Variants in GRAMD1A observed in about 807,000 individuals in gnomAD.
The protein encoded by GRAMD1A is protein Aster-A.
Under a neutral mutation model 92.0 loss-of-function variants are expected in GRAMD1A, and 50 were observed. That is an observed-to-expected ratio of 0.54 (90% confidence interval 0.43 to 0.69). GRAMD1A has a LOEUF of 0.69. Among genes scored for constraint, GRAMD1A ranks in the 30% least tolerant of loss-of-function variants. GRAMD1A has a pLI of 0.00. For synonymous variants in GRAMD1A, 405 were observed against 403.6 expected, an observed-to-expected ratio of 1.00 and a Z score of -0.04; for missense variants, 819 against 978.9, an observed-to-expected ratio of 0.84 and a Z score of 2.18.
chr19:34,996,075 G>T (rs776675671), upstream of GRAMD1A: 154 of 1,535,674 alleles, frequency 1.0e-4, no homozygotes, highest in African/African-American at 1.7e-3. Context: ...GCACAGGGCA[G>T]TCCCCAGGGC....
At chr19:35,023,712 C>A in intron 19 of GRAMD1A, 165 bp downstream of exon 19, 1 of 644,774 alleles carries the variant, frequency 1.6e-6, no homozygotes, top group Non-Finnish European at 2.5e-6. Flanking sequence ...CAGGGGAAAG[C>A]ATGGAAGCAT....
rs146846263 is a variant in GRAMD1A, at chr19:35,009,981, C to T, written c.325+9C>T. ...AGAACGCCTCATTGTGGGTGAGTCC[C>T]GGACCCCCAGTCCCAGCTCCTAGCC... On this transcript the variant is annotated intron_variant, in intron 4 of 19. Transcript: ENST00000317991. 3,912 of 1,599,008 alleles carry T rather than the reference C, an allele frequency of 2.4e-3. 69 individuals carry two copies. In the African/African-American group the frequency reaches 0.046, roughly 19 times the overall value.
intron 1 of GRAMD1A, among the ~76,000 whole-genome samples, chr19:35,005,354 C>T (rs969056153): frequency 1.3e-5 from 2 of 151,910 alleles, no homozygotes; most frequent in Non-Finnish European, 2.9e-5. Context: ...GGAAGGTGTC[C>T]ACTGAGCAGA....
chr19:35,018,272 C>A (rs1328627971), intron 11 of GRAMD1A, among the ~76,000 whole-genome samples: 2 of 152,202 alleles, frequency 1.3e-5, no homozygotes, highest in African/African-American at 4.8e-5. Context: ...GCTGGGATTA[C>A]AGGCGTGAGC....
upstream of GRAMD1A, among the ~76,000 whole-genome samples, chr19:34,999,831 G>A (rs1241265204): frequency 6.6e-6 from 1 of 152,230 alleles, no homozygotes; most frequent in Non-Finnish European, 1.5e-5. Context: ...GACCTCCTGG[G>A]ACCAGGAACC....
intron 1 of GRAMD1A, among the ~76,000 whole-genome samples, chr19:35,005,106 G>A (rs1461207846): frequency 1.3e-5 from 2 of 150,818 alleles, no homozygotes; most frequent in African/African-American, 4.9e-5. Flanking sequence ...AAGGAGGGCC[G>A]ATCACCCAGG....
chr19:35,021,370 C>T lies in GRAMD1A; in HGVS notation c.1476-132C>T, dbSNP rs923161498. 2.9e-6 allele frequency: 2 copies of T among 687,212 alleles called. No individual in the cohort carries two copies. Among genetic ancestry groups the T allele is most frequent in the Non-Finnish European group, 5.2e-6 (2 of 384,438 alleles). The allele number at this position is 687,212 out of a possible 1,614,324, so 42.6% of individuals were successfully genotyped here. A position where few individuals can be genotyped will look rare whatever the true frequency, so the allele number is the denominator to read the frequency against. On this transcript the variant is annotated intron_variant, in intron 13 of 19. Transcript: ENST00000317991. The surrounding 1 kb of genome is among the most constrained non-coding windows in gnomAD (Gnocchi z 5.3). ...CAGGGAAGCCATGGGGGGTAGGGAA[C>T]CCATCTGTTTTGTCTGTGAGTGACA...
chr19:35,003,673 C>T (rs1350079715), intron 1 of GRAMD1A, among the ~76,000 whole-genome samples: 1 of 152,202 alleles, frequency 6.6e-6, no homozygotes, highest in Non-Finnish European at 1.5e-5. Flanking sequence ...GGATGTGGTC[C>T]TGCTGCTTAG....
At chr19:35,025,940 G>C (rs1344595982) in intron 19 of GRAMD1A, 109 bp from the exon 20 acceptor site, 1 of 705,950 alleles carries the variant, frequency 1.4e-6, no homozygotes, top group African/African-American at 1.7e-5. Context: ...GGGTGGGGCA[G>C]TATGGCCTCT....
chr19:35,022,622 G>T (rs2016137630), intron 16 of GRAMD1A, among the ~76,000 whole-genome samples: 1 of 102,800 alleles, frequency 9.7e-6, no homozygotes, highest in Non-Finnish European at 2.1e-5. Flanking sequence ...AAGGGCTTGG[G>T]CAGGGAGAAC....
At chr19:34,997,751 C>T (rs1006049789), upstream of GRAMD1A, among the ~76,000 whole-genome samples, 17 of 152,054 alleles carry the variant, frequency 1.1e-4, no homozygotes, top group African/African-American at 2.7e-4. Context: ...GTGGATGCCT[C>T]CTGATGTAGA....
rs759092464 is a variant in GRAMD1A, at chr19:35,026,110, C to G, written c.2144C>G (p.Thr715Ser). Reference protein sequence around the residue: ...GITVSDPPFDTQPRPDDSFS With the variant: ...GITVSDPPFDSQPRPDDSFS ...ACAGTCTCAGACCCTCCCTTTGACA[C>G]CCAGCCCCGGCCCGATGACAGCTTT... is the stretch of plus-strand genomic sequence containing the variant. Residue 715 changes from threonine (T) to serine (S), a missense_variant, in exon 20 of 20, where the codon ACC becomes AGC. This residue lies in a region of GRAMD1A where 577 missense variants were observed against 674.6 expected (regional missense o/e 0.86). Transcript: ENST00000317991. 1 of 1,598,272 alleles carries G rather than the reference C, an allele frequency of 6.3e-7. No individual in the cohort carries two copies. The highest frequency in any genetic ancestry group is 1.3e-5 in the African/African-American group (1 of 74,662).
Position 35,009,234 on chromosome 19 carries a change from G to C in GRAMD1A, c.124G>C (p.Glu42Gln), listed in dbSNP as rs1217307132. 9.9e-6 allele frequency: 16 copies of C among 1,613,992 alleles called. No homozygotes were observed. Among genetic ancestry groups the C allele is most frequent in the Non-Finnish European group, 1.3e-5 (15 of 1,179,854 alleles). ...TGAGCCAGAACCAGGCACCATGGTG[G>C]AGAAGGGATCAGATAGCTCCTCAGA... ...PPEPEPGTMV[E>Q]KGSDSSSEKG... Residue 42 changes from glutamate (E) to glutamine (Q), a missense_variant, in exon 2 of 20, where the codon GAG becomes CAG. Around this residue, in one of 3 missense-constraint regions of GRAMD1A, gnomAD observed 98 missense variants for 84.0 expected, o/e 1.17. Transcript: ENST00000317991.
At chr19:34,996,354 A>G (rs1380906805), upstream of GRAMD1A, 1 of 1,334,216 alleles carries the variant, frequency 7.5e-7, no homozygotes, top group East Asian at 2.5e-5. Context: ...TCTCTCTGTC[A>G]AGGGTGGGTT....
Position 35,026,399 on chromosome 19 carries a change from T to A in GRAMD1A, c.*258T>A, listed in dbSNP as rs2016443882. 1 of 550,270 alleles carries A rather than the reference T, an allele frequency of 1.8e-6. No homozygotes were observed. The highest frequency in any genetic ancestry group is 3.1e-5 in the Admixed American group (1 of 32,422). 34.1% of individuals were successfully genotyped at this position (550,270 alleles called of 1,614,324 possible). ...GGGGGCGCCTCCTGGGGTGCACGAT[T>A]CCCTCAGCTCTGGGTTTAATGTATT... On this transcript the variant is annotated 3_prime_UTR_variant, in exon 20 of 20. Transcript: ENST00000317991.
intron 11 of GRAMD1A, among the ~76,000 whole-genome samples, chr19:35,017,045 C>T (rs1213868175): frequency 6.7e-6 from 1 of 149,184 alleles, no homozygotes; most frequent in African/African-American, 2.5e-5. Flanking sequence ...CATGATGCTG[C>T]CCACCCGTAA....
At chr19:34,997,380 C>CA (rs1315311875), upstream of GRAMD1A, among the ~76,000 whole-genome samples, 360 of 29,518 alleles carry the variant, frequency 0.012, 2 homozygotes, top group Non-Finnish European at 0.018. Context: ...GATCACAGGC[C>CA]AAAAAAACAA....
At chr19:35,015,309 A>G (rs2015545011) in intron 10 of GRAMD1A, 1 of 153,026 alleles carries the variant, frequency 6.5e-6, no homozygotes, top group Non-Finnish European at 1.5e-5. Context: ...GCTAGCCTCT[A>G]TTCTTGTCTC....
rs1048232910 is a variant in GRAMD1A, at chr19:35,013,577, C to T, written c.756C>T (p.Ser252=). 7.4e-6 allele frequency: 12 copies of T among 1,612,314 alleles called. No homozygotes were observed. The highest frequency in any genetic ancestry group is 4.0e-5 in the African/African-American group (3 of 74,906). Residue 252 remains serine (S), a synonymous_variant, in exon 9 of 20, where the codon AGC becomes AGT. Coordinates refer to ENST00000317991, the MANE Select transcript of GRAMD1A (RefSeq NM_020895.5). The surrounding 1 kb of genome is among the most constrained non-coding windows in gnomAD (Gnocchi z 4.9). ...PKEVGDVIAL[S]DITSSGAADR... Reference sequence around the variant, plus strand: ...AAGTGGGAGATGTGATCGCCCTGAGCGACATCACCTCCTCGGGGGCAGCTG... The same window carrying T: ...AAGTGGGAGATGTGATCGCCCTGAGTGACATCACCTCCTCGGGGGCAGCTG...
Sources: gnomAD v4.1 joint callset for allele counts (sites outside exome capture counted in the v4.1 genomes callset) on GRCh38, gnomAD v4.1.1 for gene constraint, gnomAD v4.1.1 regional missense constraint, Gnocchi (gnomAD v3.1) non-coding constraint, MANE v1.5 for transcripts, NCBI Gene and HGNC (gene_info 2026-07-23, HGNC 2026-07-21) for gene names.